SLIT3: variants seen among roughly 807,000 people sequenced by gnomAD.
SLIT3 encodes slit homolog 3 protein.
Under a neutral mutation model 184.0 loss-of-function variants are expected in SLIT3, and 68 were observed. That is an observed-to-expected ratio of 0.37 (90% CI 0.30 to 0.45). SLIT3 has a LOEUF of 0.45. Among genes scored for constraint, SLIT3 ranks in the 20% least tolerant of loss-of-function variants. The pLI, the probability that SLIT3 is intolerant of heterozygous loss-of-function variation, is 1.00. For synonymous variants in SLIT3, 831 were observed against 828.6 expected, an observed-to-expected ratio of 1.00 and a Z score of -0.05; for missense variants, 1,707 against 2,026.0, an observed-to-expected ratio of 0.84 and a Z score of 3.02.
At chr5:169,205,255 G>A (rs1383649046) in intron 3 of SLIT3, among the ~76,000 whole-genome samples, 2 of 152,188 alleles carry the variant, frequency 1.3e-5, no homozygotes, top group East Asian at 1.9e-4. Context: ...CTCTGCCCTA[G>A]AGCTATGCAA....
At chr5:168,679,791 G>A (rs903339040) in intron 32 of SLIT3, among the ~76,000 whole-genome samples, 8 of 152,182 alleles carry the variant, frequency 5.3e-5, no homozygotes, top group Non-Finnish European at 1.5e-5. Context: ...CCAGCACGGT[G>A]GGAGAGCTGG....
At chr5:169,295,393 T>C (rs546435470) in intron 1 of SLIT3, among the ~76,000 whole-genome samples, 1 of 152,404 alleles carries the variant, frequency 6.6e-6, no homozygotes, top group African/African-American at 2.4e-5. Context: ...GTGAACAACA[T>C]GGTAGGCACC....
intron 3 of SLIT3, among the ~76,000 whole-genome samples, chr5:169,217,049 C>T (rs8180402): frequency 0.14 from 21,847 of 151,250 alleles, 1,928 homozygotes; most frequent in East Asian, 0.45. Flanking sequence ...CACAGCTTGG[C>T]CACATATTTA....
chr5:168,836,310 T>C (rs1758052872), intron 6 of SLIT3, among the ~76,000 whole-genome samples: 2 of 152,128 alleles, frequency 1.3e-5, no homozygotes, highest in South Asian at 4.1e-4. Flanking sequence ...TGAGCGCTGA[T>C]CTAGAGGCAA....
chr5:169,140,283 TA>T (rs1761674890), intron 4 of SLIT3, among the ~76,000 whole-genome samples: 1 of 81,352 alleles, frequency 1.2e-5, no homozygotes, highest in Admixed American at 1.8e-4. Context: ...GCCAACATGG[TA>T]AAACCCCGCC....
chr5:168,811,416 A>T (rs1326825717), intron 8 of SLIT3, among the ~76,000 whole-genome samples: 1 of 152,220 alleles, frequency 6.6e-6, no homozygotes, highest in African/African-American at 2.4e-5. Flanking sequence ...AAGCTAGTGA[A>T]CAACAATGTT....
intron 4 of SLIT3, among the ~76,000 whole-genome samples, chr5:168,894,753 T>C (rs1264375018): frequency 1.3e-5 from 2 of 152,188 alleles, no homozygotes; most frequent in Non-Finnish European, 2.9e-5. Flanking sequence ...ATGCATTCAA[T>C]CCAGAAAAGG....
rs533167769 is a variant in SLIT3, at chr5:168,753,077, G to A, written c.1851C>T (p.Ile617=). The A allele has an allele frequency of 4.3e-5, 70 of 1,613,976 alleles. 1 individual carries two copies. Among genetic ancestry groups the A allele is most frequent in the South Asian group, 4.1e-4 (37 of 91,064 alleles). Reference sequence around the variant, plus strand: ...CAAAGGTGTCATTACTCACACAGCCGATCAAGTTACTCCTCAGCATCCTAC... The same window carrying A: ...CAAAGGTGTCATTACTCACACAGCCAATCAAGTTACTCCTCAGCATCCTAC... ...LKTLMLRSNL[I]GCVSNDTFAG... The change falls in exon 18 of 36, where the codon ATC becomes ATT. Residue 617 remains isoleucine, a synonymous_variant. Transcript: ENST00000519560.
At chr5:168,890,172 C>G (rs952530772) in intron 4 of SLIT3, among the ~76,000 whole-genome samples, 6 of 150,930 alleles carry the variant, frequency 4.0e-5, no homozygotes, top group Non-Finnish European at 2.9e-5. Context: ...GAGAGAGCAC[C>G]AGTTTCACTG....
intron 1 of SLIT3, among the ~76,000 whole-genome samples, chr5:169,259,423 G>C (rs1269494084): frequency 6.6e-6 from 1 of 152,218 alleles, no homozygotes; most frequent in Non-Finnish European, 1.5e-5. Context: ...ACAACAGGTA[G>C]GGAGAGGATG....
chr5:168,760,915 T>C lies in SLIT3; in HGVS notation c.1632A>G (p.Val544=), dbSNP rs746041237. 1.2e-6 allele frequency: 2 copies of C among 1,613,890 alleles called. No individual in the cohort carries two copies. Among genetic ancestry groups the C allele is most frequent in the Non-Finnish European group, 1.7e-6 (2 of 1,179,782 alleles). The change falls in exon 16 of 36, where the codon GTA becomes GTG. Residue 544 remains valine, a synonymous_variant. Transcript: ENST00000519560. ...AGATGCCAGTGGCCTCCAGAACAGATACCTCATTGTCATTCAGTCGCCTGT... is the reference window on the plus strand; with the variant it reads ...AGATGCCAGTGGCCTCCAGAACAGACACCTCATTGTCATTCAGTCGCCTGT... ...VTDLRLNDNE[V]SVLEATGIFK...
At chr5:168,855,615 A>G (rs189207172) in intron 5 of SLIT3, among the ~76,000 whole-genome samples, 1 of 152,376 alleles carries the variant, frequency 6.6e-6, no homozygotes, top group African/African-American at 2.4e-5. Flanking sequence ...GAAAGAAGCC[A>G]GACATAAAAG....
At chr5:169,210,801 GT>G (rs764213792) in intron 3 of SLIT3, among the ~76,000 whole-genome samples, 13 of 152,228 alleles carry the variant, frequency 8.5e-5, no homozygotes, top group Non-Finnish European at 1.9e-4. Context: ...CTGGTTCATT[GT>G]TTCCAATTCT....
chr5:168,863,940 C>T (rs1358070450), intron 5 of SLIT3, among the ~76,000 whole-genome samples: 3 of 151,456 alleles, frequency 2.0e-5, no homozygotes, highest in African/African-American at 7.3e-5. Context: ...ATGTGTGGGC[C>T]AGGTGCGGTA....
At chr5:168,684,120 TTAGTAAG>T in intron 31 of SLIT3, 24 bp from the exon 32 acceptor site, 1 of 1,557,466 alleles carries the variant, frequency 6.4e-7, no homozygotes, top group East Asian at 2.4e-5. Flanking sequence ...CCGGGGCGTG[TTAGTAAG>T]GGCTTACCTG....
chr5:168,989,664 A>C (rs1291487487), intron 4 of SLIT3, among the ~76,000 whole-genome samples: 1 of 152,226 alleles, frequency 6.6e-6, no homozygotes, highest in Non-Finnish European at 1.5e-5. Flanking sequence ...AGTGCAAAGC[A>C]GGGCAAAGAC....
chr5:168,772,569 A>G, intron 14 of SLIT3: 1 of 541,594 alleles, frequency 1.8e-6, no homozygotes, highest in Non-Finnish European at 3.2e-6. Context: ...CCATGCTTTT[A>G]TTGTGTGTGT....
chr5:168,939,996 G>T (rs1286892987), intron 4 of SLIT3, among the ~76,000 whole-genome samples: 1 of 152,222 alleles, frequency 6.6e-6, no homozygotes, highest in Non-Finnish European at 1.5e-5. Flanking sequence ...GCAGAGATGG[G>T]ATTGAATTGA....
intron 4 of SLIT3, among the ~76,000 whole-genome samples, chr5:168,888,219 G>A (rs1760297306): frequency 1.3e-5 from 2 of 152,184 alleles, no homozygotes; most frequent in Admixed American, 6.5e-5. Flanking sequence ...CAATATGATG[G>A]GGAACTCCTG....
Sources: allele counts gnomAD v4.1 joint callset (sites outside exome capture counted in the v4.1 genomes callset), GRCh38; gene constraint gnomAD v4.1.1; transcripts MANE v1.5; gene names NCBI Gene and HGNC (gene_info 2026-07-23, HGNC 2026-07-21).